The following KCNH6 variants were observed in gnomAD, a reference collection of about 807,000 sequenced individuals.
The protein encoded by KCNH6 is voltage-gated inwardly rectifying potassium channel KCNH6.
A neutral mutation model predicts 83.4 loss-of-function variants in KCNH6; 81 were observed. The observed-to-expected ratio is 0.97, with a 90% CI of 0.81 to 1.17. The LOEUF is 1.17. Ranked by LOEUF, KCNH6 falls within the 50% of genes most tolerant of loss-of-function variation. KCNH6 has a pLI of 0.00. For missense variants in KCNH6, 1,203 were observed against 1,290.5 expected (o/e 0.93, Z 1.04); for synonymous variants, 503 against 545.6 (o/e 0.92, Z 1.09).
chr17:63,548,761 C>G (rs569716670), downstream of KCNH6: 2 of 152,032 alleles, frequency 1.3e-5, no homozygotes, highest in Non-Finnish European at 2.9e-5. Flanking sequence ...ACGTCTTTTT[C>G]TTTCCTTTTT....
At chr17:63,530,939 G>T (rs1451935825) in intron 4 of KCNH6, among the ~76,000 whole-genome samples, 1 of 152,098 alleles carries the variant, frequency 6.6e-6, no homozygotes, top group Non-Finnish European at 1.5e-5. Flanking sequence ...GAGAGCTGGT[G>T]TGGGGGGGGG....
chr17:63,545,100 G>C lies in KCNH6; in HGVS notation c.2419G>C (p.Asp807His). The change falls in exon 12 of 13, where the codon GAC becomes CAC. Residue 807 changes from aspartate to histidine, a missense_variant. Physicochemically the swap from Asp to His is moderately conservative, Grantham distance 81. Transcript: ENST00000314672. ...CAGGCTGGAGTCCCGCGTGTCCTCAGACCTCAGCCGCATCTTGCAGCTCCT... is the reference window on the plus strand; with the variant it reads ...CAGGCTGGAGTCCCGCGTGTCCTCACACCTCAGCCGCATCTTGCAGCTCCT... The part of the protein sequence containing the change: ...MNRLESRVSS[D>H]LSRILQLLQK... 1 of 1,613,486 alleles carries C rather than the reference G, an allele frequency of 6.2e-7. No individual in the cohort carries two copies. Among genetic ancestry groups the C allele is most frequent in the Non-Finnish European group, 8.5e-7 (1 of 1,180,004 alleles).
chr17:63,540,748 T>C (rs529382108), intron 8 of KCNH6, among the ~76,000 whole-genome samples: 2 of 152,342 alleles, frequency 1.3e-5, no homozygotes, highest in Admixed American at 1.3e-4. Context: ...CCTTCTGTGC[T>C]AAACTGTTAC....
chr17:63,544,149 TC>T (rs761790099), intron 10 of KCNH6, 99 bp from the exon 11 acceptor site: 31 of 1,597,620 alleles, frequency 1.9e-5, no homozygotes, highest in Middle Eastern at 3.3e-4. Context: ...ACACCCTGTG[TC>T]CCCAGGGCAG....
chr17:63,526,189 C>T (rs944218111), intron 2 of KCNH6, among the ~76,000 whole-genome samples: 2 of 152,154 alleles, frequency 1.3e-5, no homozygotes, highest in Non-Finnish European at 2.9e-5. Flanking sequence ...ATACCTGGTG[C>T]CCCATAAGTC....
chr17:63,529,037 G>C (rs1184062696), intron 2 of KCNH6, among the ~76,000 whole-genome samples: 1 of 152,148 alleles, frequency 6.6e-6, no homozygotes, highest in African/African-American at 2.4e-5. Context: ...GTTTCACCAT[G>C]TTGGCCAGGC....
In KCNH6 at chr17:63,523,754, G is replaced by A. The variant is rs1021142821; in HGVS notation, c.76+265G>A. On this transcript the variant is annotated intron_variant, in intron 1 of 12. Coordinates refer to ENST00000314672, the MANE Select transcript of KCNH6 (RefSeq NM_001278919.2). The surrounding 1 kb of genome is among the most constrained non-coding windows in gnomAD (Gnocchi z 4.2). ...GCTGTTTCCTTGGTGCCCCAAGTTC[G>A]AACCTCCCCTTCCAGCCACTGCCTG... Among the ~76,000 whole-genome samples the A allele has an allele frequency of 6.6e-6, 1 of 151,930 alleles. No homozygotes were observed. The highest frequency in any genetic ancestry group is 1.5e-5 in the Non-Finnish European group (1 of 67,978).
rs1422932246 is a variant in KCNH6, at chr17:63,535,451, C to G, written c.1102-218C>G. Among the ~76,000 whole-genome samples the G allele has an allele frequency of 6.6e-6, 1 of 152,250 alleles. No homozygotes were observed. The highest frequency in any genetic ancestry group is 2.4e-5 in the African/African-American group (1 of 41,472). ...CCCCTTCCTCTGTTCTCCCACTGGA[C>G]TTCTGTCCTAGCAACCAGAACACTA... On this transcript the variant is annotated intron_variant, in intron 5 of 12. Coordinates refer to ENST00000314672, the MANE Select transcript of KCNH6 (RefSeq NM_001278919.2). This position sits in a 1 kb window ranked among gnomAD's most constrained non-coding sequence, Gnocchi z 4.9.
chr17:63,530,063 C>A, intron 2 of KCNH6, 28 bp from the exon 3 acceptor site: 2 of 1,608,444 alleles, frequency 1.2e-6, no homozygotes, highest in East Asian at 2.2e-5. Context: ...TCAGGGCCCA[C>A]CCCCCATCCT....
rs549684796 is a variant in KCNH6, at chr17:63,523,451, C to T, written c.38C>T (p.Thr13Ile). 66 of 1,607,528 alleles carry T rather than the reference C, an allele frequency of 4.1e-5. No individual in the cohort carries two copies. The South Asian group carries it at 7.1e-4, about 17-fold the overall frequency. The part of the protein sequence containing the change: ...VRRGHVAPQN[T>I]YLDTIIRKFE... ...AGGGGCCACGTCGCTCCCCAAAACA[C>T]TTACCTGGACACCATCATCCGCAAG... Residue 13 changes from threonine (T) to isoleucine (I), a missense_variant, in exon 1 of 13, where the codon ACT becomes ATT. Physicochemically the swap from Thr to Ile is moderately conservative, Grantham distance 89. Transcript: ENST00000314672. The surrounding 1 kb of genome is among the most constrained non-coding windows in gnomAD (Gnocchi z 4.2).
chr17:63,543,132 G>A lies in KCNH6; in HGVS notation c.2149-444G>A, dbSNP rs886191015. Among the ~76,000 whole-genome samples the A allele has an allele frequency of 6.6e-5, 10 of 152,322 alleles. No homozygotes were observed. The South Asian group carries it at 8.3e-4, about 13-fold the overall frequency. On this transcript the variant is annotated intron_variant, in intron 9 of 12. Transcript: ENST00000314672. Reference sequence around the variant, plus strand: ...CATCTGGCAGGGAAACACAGAGCCCGGGCTATTTCTTCCCTGGTGCCCCGC... The same window carrying A: ...CATCTGGCAGGGAAACACAGAGCCCAGGCTATTTCTTCCCTGGTGCCCCGC...
In KCNH6 at chr17:63,543,621, C is replaced by G. The variant is rs1191096837; in HGVS notation, c.2194C>G (p.Gln732Glu). The G allele has an allele frequency of 1.2e-6, 2 of 1,613,274 alleles. No homozygotes were observed. The highest frequency in any genetic ancestry group is 1.7e-6 in the Non-Finnish European group (2 of 1,179,672). The change falls in exon 10 of 13, where the codon CAA (glutamine) becomes GAA (glutamate). Residue 732 changes from glutamine to glutamate, a missense_variant. By Grantham distance (29) the Gln-to-Glu change is conservative. Coordinates refer to ENST00000314672, the MANE Select transcript of KCNH6 (RefSeq NM_001278919.2). ...HSSPRQAPGS[Q>E]DHQGFFLSDN... ...ATCCCCCCGACAGGCTCCTGGCAGC[C>G]AAGACCACCAAGGTTTCTTTCTCAG...
intron 2 of KCNH6, among the ~76,000 whole-genome samples, chr17:63,529,473 G>T (rs1396453397): frequency 6.6e-6 from 1 of 152,220 alleles, no homozygotes; most frequent in African/African-American, 2.4e-5. Flanking sequence ...ATTGTGTCCT[G>T]CAAACCCAGG....
At position 63,545,692 on chromosome 17, in the gene KCNH6, G is replaced by C. The variant is rs769743919; in HGVS notation, c.2667G>C (p.Thr889=). 1 of 1,613,960 alleles carries C rather than the reference G, an allele frequency of 6.2e-7. No individual in the cohort carries two copies. Among genetic ancestry groups the C allele is most frequent in the South Asian group, 1.1e-5 (1 of 91,082 alleles). ...SPRMPHLAVA[T]DKTLAPSSEQ... is the part of the protein sequence containing the mutation. ...GGATGCCTCACCTGGCTGTGGCAAC[G>C]GACAAAACTCTGGCACCATCCTCAG... is the stretch of plus-strand genomic sequence containing the variant. Residue 889 remains threonine (T), a synonymous_variant, in exon 13 of 13, where the codon ACG becomes ACC. Transcript: ENST00000314672.
chr17:63,537,939 C>T lies in KCNH6; in HGVS notation c.1502-126C>T. ...TGCCCTGGCGCTGTCCTGGTCACTCCTGACTTCTCCCTGGACAGAGGGGTC... is the reference window on the plus strand; with the variant it reads ...TGCCCTGGCGCTGTCCTGGTCACTCTTGACTTCTCCCTGGACAGAGGGGTC... On this transcript the variant is annotated intron_variant, in intron 6 of 12. Coordinates refer to ENST00000314672, the MANE Select transcript of KCNH6 (RefSeq NM_001278919.2). 5.3e-6 allele frequency: 5 copies of T among 941,386 alleles called. No individual in the cohort carries two copies. In the South Asian group the frequency reaches 7.8e-5, roughly 15 times the overall value. 58.3% of individuals were successfully genotyped at this position (941,386 alleles called of 1,614,324 possible).
Position 63,546,579 on chromosome 17 carries a change from C to T in KCNH6, c.*677C>T, listed in dbSNP as rs992935567. 6.6e-6 allele frequency: 1 copy of T among 152,388 alleles called. No homozygotes were observed. The highest frequency in any genetic ancestry group is 1.5e-5 in the Non-Finnish European group (1 of 68,204). The allele number at this position is 152,388 out of a possible 1,614,324, so 9.4% of individuals were successfully genotyped here. ...GTTGGTCAGAACTCTTACCATGAGC[C>T]TCTGACCTGGCTGGAGATGGAGGTA... On this transcript the variant is annotated 3_prime_UTR_variant, in exon 13 of 13. Transcript: ENST00000314672.
rs780793267 is a variant in KCNH6 at position 63,530,583 on chromosome 17, C to T, written c.675+41C>T. The stretch of plus-strand genomic sequence containing the variant: ...GCAGGGTGTGCAGAGCTGTGCCAGG[C>T]CTCCAGGGTCCCCTCCCAGGCTCTG... On this transcript the variant is annotated intron_variant, in intron 4 of 12. Coordinates refer to ENST00000314672, the MANE Select transcript of KCNH6 (RefSeq NM_001278919.2). 7 of 1,581,598 alleles carry T rather than the reference C, an allele frequency of 4.4e-6. No homozygotes were observed. The African/African-American group carries it at 6.7e-5, about 15-fold the overall frequency.
rs1290034889 is a variant in KCNH6, at chr17:63,525,078, G to GC, written c.307+714dup. 3.3e-5 allele frequency among the ~76,000 whole-genome samples: 5 copies of GC among 152,286 alleles called. No homozygotes were observed. In the East Asian group the frequency reaches 9.7e-4, roughly 29 times the overall value. On this transcript the variant is annotated intron_variant, in intron 2 of 12. Coordinates refer to ENST00000314672, the MANE Select transcript of KCNH6 (RefSeq NM_001278919.2). ...TCCTGGGAAATCTCTTGAATCAATG[G>GC]CCCCCAACCTGGTTCTGCATCAGAA...
chr17:63,524,164 T>C lies in KCNH6; in HGVS notation c.102T>C (p.Ala34=), dbSNP rs766712548. Residue 34 remains alanine (A), a synonymous_variant, in exon 2 of 13, where the codon GCT becomes GCC. Coordinates refer to ENST00000314672, the MANE Select transcript of KCNH6 (RefSeq NM_001278919.2). ...GTCGGAAGTTCCTGATTGCCAATGC[T>C]CAGATGGAGAACTGCGCCATCATTT... The part of the protein sequence containing the change: ...GQSRKFLIAN[A]QMENCAIIYC... 1 of 1,613,936 alleles carries C rather than the reference T, an allele frequency of 6.2e-7. No homozygotes were observed. Among genetic ancestry groups the C allele is most frequent in the African/African-American group, 1.3e-5 (1 of 74,892 alleles).
Sources: allele counts gnomAD v4.1 joint callset (sites outside exome capture counted in the v4.1 genomes callset), GRCh38; gene constraint gnomAD v4.1.1; non-coding constraint Gnocchi (gnomAD v3.1); transcripts MANE v1.5; gene names NCBI Gene and HGNC (gene_info 2026-07-23, HGNC 2026-07-21).